Variants in ABCG5 observed in about 807,000 individuals in gnomAD.
The protein encoded by ABCG5 is ATP-binding cassette sub-family G member 5.
In ABCG5, 64 loss-of-function variants were observed where a neutral mutation model predicts 64.5. That is an observed-to-expected ratio of 0.99 (90% CI 0.81 to 1.22). The LOEUF is 1.22. Among genes scored for constraint, ABCG5 ranks in the 50% most tolerant of loss-of-function variants. The pLI, the probability that ABCG5 is intolerant of heterozygous loss-of-function variation, is 0.00. For synonymous variants in ABCG5, 385 were observed against 326.3 expected (o/e 1.18, Z -1.94); for missense variants, 908 against 829.5 (o/e 1.09, Z -1.16).
At position 43,824,199 on chromosome 2, in the gene ABCG5, C is replaced by T. The variant is rs1456560809; in HGVS notation, c.1118+20G>A. On this transcript the variant is annotated intron_variant, in intron 8 of 12. Coordinates refer to ENST00000405322, the MANE Select transcript of ABCG5 (RefSeq NM_022436.3). ...CTAAAGACCTCTAACAGGCATTTCT[C>T]ACATTTGTGAGCCTCTTACCTCAGG... 1.4e-5 allele frequency: 22 copies of T among 1,614,030 alleles called. No individual in the cohort carries two copies. The highest frequency in any genetic ancestry group is 1.7e-5 in the Non-Finnish European group (20 of 1,180,004).
Position 43,838,221 on chromosome 2 carries a change from C to A in ABCG5, c.144-266G>T, listed in dbSNP as rs753856610. ...GGTGGCTGTCCCTGCATTCTTTCAC[C>A]AGGTTTCAAGACTCCTTGCATTCGC... On this transcript the variant is annotated intron_variant, in intron 1 of 12. Transcript: ENST00000405322. The surrounding 1 kb of genome is among the most constrained non-coding windows in gnomAD (Gnocchi z 4.2). 23 of 595,918 alleles carry A rather than the reference C, an allele frequency of 3.9e-5. No individual in the cohort carries two copies. The highest frequency in any genetic ancestry group is 6.2e-5 in the Non-Finnish European group (21 of 337,164). The allele number at this position is 595,918 out of a possible 1,614,324, so 36.9% of individuals were successfully genotyped here.
intron 10 of ABCG5, chr2:43,822,551 T>C: frequency 1.0e-6 from 1 of 983,916 alleles, no homozygotes; most frequent in African/African-American, 1.8e-5. Flanking sequence ...GCCGTGAATG[T>C]GGGACAGGTC....
chr2:43,835,487 C>T (rs1046321972), intron 2 of ABCG5, among the ~76,000 whole-genome samples: 11 of 152,184 alleles, frequency 7.2e-5, no homozygotes, highest in African/African-American at 2.4e-4. Context: ...CTGGATGTTA[C>T]GGTACATGTG....
At chr2:43,831,905 C>T (rs1268060958) in intron 3 of ABCG5, 38 bp from the exon 4 acceptor site, 2 of 1,074,944 alleles carry the variant, frequency 1.9e-6, no homozygotes, top group Non-Finnish European at 2.6e-6. Context: ...CCTAAGCCCC[C>T]GGGGCGGGCG....
intron 2 of ABCG5, 125 bp downstream of exon 2, chr2:43,837,709 C>T (rs1226004984): frequency 1.5e-6 from 2 of 1,296,082 alleles, no homozygotes; most frequent in African/African-American, 1.5e-5. Flanking sequence ...CATTCACAGT[C>T]AGATATCAAT....
intron 11 of ABCG5, 147 bp downstream of exon 11, chr2:43,819,768 A>AT: frequency 1.2e-6 from 1 of 860,284 alleles, no homozygotes; most frequent in Non-Finnish European, 1.9e-6. Flanking sequence ...TAAGGCAATG[A>AT]TTAACGAGCA....
chr2:43,835,558 C>T (rs1281917932), intron 2 of ABCG5, among the ~76,000 whole-genome samples: 3 of 152,176 alleles, frequency 2.0e-5, no homozygotes, highest in Non-Finnish European at 4.4e-5. Context: ...AAAAGTGTAA[C>T]AGCTTTAGTC....
chr2:43,815,359 A>G (rs1666749841), intron 11 of ABCG5, among the ~76,000 whole-genome samples: 1 of 152,204 alleles, frequency 6.6e-6, no homozygotes, highest in South Asian at 2.1e-4. Flanking sequence ...GATGTATCCT[A>G]TCCCTAAAGA....
downstream of ABCG5, chr2:43,810,433 C>T (rs745634421): frequency 9.1e-6 from 9 of 985,100 alleles, no homozygotes; most frequent in African/African-American, 1.7e-5. Flanking sequence ...TCATGTGTTG[C>T]GGATAACCAG....
rs1021023393 is a variant in ABCG5 at position 43,820,109 on chromosome 2, G to A, written c.1464-9C>T. On this transcript the variant is annotated splice_polypyrimidine_tract_variant and intron_variant, in intron 10 of 12. Coordinates refer to ENST00000405322, the MANE Select transcript of ABCG5 (RefSeq NM_022436.3). ...GATGTAAGCCCAGCGTCCTAGAAAA[G>A]CATAAGCTCTTTAGTTTCCTCTCCA... 6.2e-7 allele frequency: 1 copy of A among 1,612,508 alleles called. No homozygotes were observed. Among genetic ancestry groups the A allele is most frequent in the Non-Finnish European group, 8.5e-7 (1 of 1,179,242 alleles).
At chr2:43,825,523 C>T (rs757784614) in intron 6 of ABCG5, among the ~76,000 whole-genome samples, 1 of 152,160 alleles carries the variant, frequency 6.6e-6, no homozygotes, top group African/African-American at 2.4e-5. Context: ...CCTTTGAAGC[C>T]AACTTGGCTG....
At chr2:43,836,132 G>GC (rs1344204861) in intron 2 of ABCG5, among the ~76,000 whole-genome samples, 1 of 152,046 alleles carries the variant, frequency 6.6e-6, no homozygotes, top group Non-Finnish European at 1.5e-5. Flanking sequence ...AGTAGAGACG[G>GC]GTTTTGCCAT....
upstream of ABCG5, chr2:43,838,846 C>T (rs1668450013): frequency 1.5e-6 from 2 of 1,349,930 alleles, no homozygotes; most frequent in Non-Finnish European, 2.0e-6. The surrounding 1 kb of genome is among the most constrained non-coding windows in gnomAD (Gnocchi z 4.2). Context: ...ATCTGATGTA[C>T]CTTTAGCCAG....
intron 2 of ABCG5, among the ~76,000 whole-genome samples, chr2:43,834,543 A>C (rs1047570737): frequency 6.6e-6 from 1 of 152,240 alleles, no homozygotes; most frequent in African/African-American, 2.4e-5. Flanking sequence ...TTTTTTAAAA[A>C]AATGTGTCAA....
In ABCG5 at chr2:43,832,029, C is replaced by A; in HGVS notation, c.320G>T (p.Gly107Val). 6.4e-7 allele frequency: 1 copy of A among 1,573,764 alleles called. No homozygotes were observed. Among genetic ancestry groups the A allele is most frequent in the Non-Finnish European group, 8.6e-7 (1 of 1,159,972 alleles). Residue 107 changes from glycine to valine, a missense_variant, in exon 3 of 13, where the codon GGG becomes GTG. Physicochemically the swap from Gly to Val is moderately radical, Grantham distance 109. Transcript: ENST00000405322. ...DAMSGRLGRA[G>V]TFLGEVYVNG... is the part of the protein sequence containing the mutation. The stretch of plus-strand genomic sequence containing the variant: ...CACATACACCTCCCCCAGGAAGGTC[C>A]CCGCGCGCCCCAGCCTCCCGGACAT...
chr2:43,831,539 T>C (rs998407845), intron 4 of ABCG5, among the ~76,000 whole-genome samples: 14 of 152,184 alleles, frequency 9.2e-5, no homozygotes, highest in African/African-American at 3.4e-4. Flanking sequence ...ATTTGATGTG[T>C]ATTTTGCGCT....
In ABCG5 at chr2:43,819,949, T is replaced by C; in HGVS notation, c.1615A>G (p.Ile539Val). 7 of 1,614,122 alleles carry C rather than the reference T, an allele frequency of 4.3e-6. No homozygotes were observed. The highest frequency in any genetic ancestry group is 5.9e-6 in the Non-Finnish European group (7 of 1,180,020). The part of the protein sequence containing the change: ...IVNSVVALLS[I>V]AGVLVGSGFL... ...CCAGATCCAACAAGCACCCCCGCAATGGACAGCAGAGCCACTACACTGTTG... is the reference window on the plus strand; with the variant it reads ...CCAGATCCAACAAGCACCCCCGCAACGGACAGCAGAGCCACTACACTGTTG... Residue 539 changes from isoleucine (I) to valine (V), a missense_variant, in exon 11 of 13, where the codon ATT becomes GTT. Coordinates refer to ENST00000405322, the MANE Select transcript of ABCG5 (RefSeq NM_022436.3).
intron 4 of ABCG5, among the ~76,000 whole-genome samples, chr2:43,829,120 G>A (rs1197967178): frequency 6.6e-6 from 1 of 152,146 alleles, no homozygotes; most frequent in African/African-American, 2.4e-5. Context: ...AGCCCATACA[G>A]AAAAATCCCC....
At position 43,831,795 on chromosome 2, in the gene ABCG5, C is replaced by T. The variant is rs750071744; in HGVS notation, c.475G>A (p.Gly159Ser). 1.9e-6 allele frequency: 3 copies of T among 1,587,978 alleles called. No individual in the cohort carries two copies. Among genetic ancestry groups the T allele is most frequent in the African/African-American group, 2.7e-5 (2 of 74,756 alleles). The part of the protein sequence containing the change: ...HYTALLAIRR[G>S]NPGSFQKKVE... ...TTCTTCTGGAAGGAGCCGGGATTGC[C>T]GCGGCGGATGGCCAGCAGCGCGGTG... The change falls in exon 4 of 13, where the codon GGC becomes AGC. Residue 159 changes from glycine (G) to serine (S), a missense_variant. Coordinates refer to ENST00000405322, the MANE Select transcript of ABCG5 (RefSeq NM_022436.3).
Sources: allele counts gnomAD v4.1 joint callset (sites outside exome capture counted in the v4.1 genomes callset), GRCh38; gene constraint gnomAD v4.1.1; non-coding constraint Gnocchi (gnomAD v3.1); transcripts MANE v1.5; gene names NCBI Gene and HGNC (gene_info 2026-07-23, HGNC 2026-07-21).